The following NTRK1 variants were observed in gnomAD, a reference collection of about 807,000 sequenced individuals.
NTRK1 encodes the protein neurotrophic receptor tyrosine kinase 1.
NTRK1 carries 62 observed loss-of-function variants against 86.8 expected under a neutral mutation model. The ratio of observed to expected loss-of-function variants is 0.71; its 90% CI spans 0.58 to 0.88. NTRK1 has a LOEUF of 0.88. Ranked by LOEUF, NTRK1 falls within the 40% of genes least tolerant of loss-of-function variation. The probability of loss-of-function intolerance (pLI) is 0.00; values close to 1 mark genes in which losing one functional copy is unlikely to be tolerated. For synonymous variants in NTRK1, 469 were observed against 456.6 expected (o/e 1.03, Z -0.35); for missense variants, 967 against 1,078.4 (o/e 0.90, Z 1.45).
At chr1:156,835,429 G>A (rs1022028876) in intron 1 of NTRK1, among the ~76,000 whole-genome samples, 1 of 151,708 alleles carries the variant, frequency 6.6e-6, no homozygotes, top group Non-Finnish European at 1.5e-5. Flanking sequence ...TGGGCAGGAA[G>A]CCTCGTTCTT....
intron 4 of NTRK1, 144 bp downstream of exon 4, chr1:156,867,122 C>T (rs1268535465): frequency 2.3e-6 from 2 of 867,696 alleles, no homozygotes; most frequent in South Asian, 1.4e-5. Context: ...GCCAGTGAAA[C>T]CCCCATCAAA....
intron 1 of NTRK1, chr1:156,841,949 C>T: frequency 1.3e-6 from 2 of 1,549,650 alleles, no homozygotes; most frequent in Non-Finnish European, 1.8e-6. Context: ...TCATCCCATC[C>T]AAACCCCTCT....
At chr1:156,842,382 T>C (rs749884463) in intron 2 of NTRK1, 1 of 1,612,708 alleles carries the variant, frequency 6.2e-7, no homozygotes, top group Non-Finnish European at 8.5e-7. Flanking sequence ...CTCCCCAGGG[T>C]CTTCCTGGTC....
intron 1 of NTRK1, among the ~76,000 whole-genome samples, chr1:156,839,895 C>T (rs1278746943): frequency 6.6e-6 from 1 of 152,156 alleles, no homozygotes; most frequent in African/African-American, 2.4e-5. Flanking sequence ...ACTGCCATGG[C>T]AACCCTGGCT....
chr1:156,879,028 T>G, intron 14 of NTRK1, 94 bp from the exon 15 acceptor site: 1 of 1,455,084 alleles, frequency 6.9e-7, no homozygotes, highest in Non-Finnish European at 9.5e-7. Flanking sequence ...CCCAGTCTCC[T>G]CTCCCATCAC....
At chr1:156,872,562 A>T (rs1647621874) in intron 7 of NTRK1, among the ~76,000 whole-genome samples, 1 of 151,884 alleles carries the variant, frequency 6.6e-6, no homozygotes, top group Admixed American at 6.6e-5. Context: ...ATTCATTGCT[A>T]AATAGTATTC....
At chr1:156,853,733 G>A (rs1368495246) in intron 2 of NTRK1, 4 of 1,583,366 alleles carry the variant, frequency 2.5e-6, no homozygotes, top group East Asian at 2.3e-5. Context: ...CTACATTCAT[G>A]TTCTGTGCCA....
At chr1:156,875,869 A>G in intron 12 of NTRK1, 2 of 1,073,006 alleles carry the variant, frequency 1.9e-6, no homozygotes, top group South Asian at 2.9e-5. Flanking sequence ...GCCCAGAGTC[A>G]CAGCTAGCCC....
chr1:156,858,649 C>T, upstream of NTRK1: 1 of 1,595,336 alleles, frequency 6.3e-7, no homozygotes, highest in Non-Finnish European at 8.6e-7. Flanking sequence ...GTGTCCAGTC[C>T]CGGCTCTCCT....
At chr1:156,840,959 C>T in intron 1 of NTRK1, 1 of 1,613,880 alleles carries the variant, frequency 6.2e-7, no homozygotes, top group Non-Finnish European at 8.5e-7. Flanking sequence ...GGCAGGGAGC[C>T]CCGGGCCCCC....
intron 8 of NTRK1, 60 bp from the exon 9 acceptor site, chr1:156,874,323 C>G (rs2102908502): frequency 2.2e-5 from 36 of 1,610,622 alleles, no homozygotes; most frequent in Non-Finnish European, 3.1e-5. Context: ...TGCTTTCCTC[C>G]TCCCTCTGAC....
At chr1:156,850,160 C>A (rs1481290039) in intron 2 of NTRK1, among the ~76,000 whole-genome samples, 3 of 152,086 alleles carry the variant, frequency 2.0e-5, no homozygotes, top group Non-Finnish European at 2.9e-5. Flanking sequence ...CCTCGGCTTG[C>A]CAAAGTGCTA....
intron 13 of NTRK1, 37 bp downstream of exon 13, chr1:156,876,247 T>A: frequency 6.2e-7 from 1 of 1,612,850 alleles, no homozygotes; most frequent in Middle Eastern, 1.8e-4. Context: ...CTGGCCTGGG[T>A]CCCACCCCCA....
At chr1:156,838,560 A>G (rs1432710420) in intron 1 of NTRK1, among the ~76,000 whole-genome samples, 1 of 151,936 alleles carries the variant, frequency 6.6e-6, no homozygotes, top group East Asian at 1.9e-4. Context: ...TCCCTCTCCA[A>G]AGCTTCCCTG....
intron 6 of NTRK1, 79 bp from the exon 7 acceptor site, chr1:156,871,544 G>T: frequency 2.0e-6 from 3 of 1,532,042 alleles, no homozygotes; most frequent in Non-Finnish European, 2.7e-6. Flanking sequence ...TGGAGCCAGA[G>T]GGGCTCTCCA....
chr1:156,860,823 C>T, upstream of NTRK1: 1 of 1,342,470 alleles, frequency 7.4e-7, no homozygotes, highest in Admixed American at 4.1e-5. Context: ...CCGCCCTTTC[C>T]TGGCGGCTGG....
At chr1:156,840,906 G>A (rs1376877406) in intron 1 of NTRK1, 1 of 1,614,012 alleles carries the variant, frequency 6.2e-7, no homozygotes, top group Non-Finnish European at 8.5e-7. Flanking sequence ...GAGGGCTGCA[G>A]TCTCTTGGAG....
intron 2 of NTRK1, chr1:156,853,731 A>T (rs772696462): frequency 7.6e-6 from 12 of 1,581,166 alleles, no homozygotes; most frequent in South Asian, 5.7e-5. Flanking sequence ...CCCTACATTC[A>T]TGTTCTGTGC....
chr1:156,874,649 G>C (rs1647782448), intron 10 of NTRK1, 23 bp downstream of exon 10: 1 of 1,609,756 alleles, frequency 6.2e-7, no homozygotes, highest in Non-Finnish European at 8.5e-7. Context: ...GTAGAAGCTT[G>C]TGCAGACTTT....
Sources: gnomAD v4.1 joint callset for allele counts (sites outside exome capture counted in the v4.1 genomes callset) on GRCh38, gnomAD v4.1.1 for gene constraint, MANE v1.5 for transcripts, NCBI Gene and HGNC (gene_info 2026-07-23, HGNC 2026-07-21) for gene names.